The following SYT16 variants were observed in gnomAD, a reference collection of about 807,000 sequenced individuals.
SYT16 encodes the protein synaptotagmin-16.
Under a neutral mutation model 61.4 loss-of-function variants are expected in SYT16, and 42 were observed. The observed-to-expected ratio is 0.68, with a 90% CI of 0.53 to 0.89. SYT16 has a LOEUF of 0.89. Among genes scored for constraint, SYT16 ranks in the 40% least tolerant of loss-of-function variants. The pLI is 0.00. For synonymous variants in SYT16, 314 were observed against 302.3 expected (o/e 1.04, Z -0.40); for missense variants, 804 against 807.3 (o/e 1.00, Z 0.05).
At chr14:61,865,194 A>C (rs1566636693) in intron 1 of SYT16, 11 of 1,132,428 alleles carry the variant, frequency 9.7e-6, no homozygotes, top group Non-Finnish European at 1.3e-5. Context: ...TCTGTCACTG[A>C]CTATAAGCGA....
In SYT16 at chr14:62,081,269, A is replaced by G. The variant is rs762537120; in HGVS notation, c.1429A>G (p.Ile477Val). Residue 477 changes from isoleucine to valine, a missense_variant, in exon 6 of 8, where the codon ATA becomes GTA. Physicochemically the swap from Ile to Val is conservative, Grantham distance 29. Coordinates refer to ENST00000683842, the MANE Select transcript of SYT16 (RefSeq NM_001367656.1). ...VTLVLEPRSN[I>V]SSGGSPLSPS... Reference sequence around the variant, plus strand: ...TCTGGTTCTGGAGCCAAGAAGTAATATAAGCGTGAGTATGTTAAATGGTGC... The same window carrying G: ...TCTGGTTCTGGAGCCAAGAAGTAATGTAAGCGTGAGTATGTTAAATGGTGC... 1.7e-5 allele frequency: 27 copies of G among 1,613,058 alleles called. No individual in the cohort carries two copies. The highest frequency in any genetic ancestry group is 2.0e-5 in the Non-Finnish European group (24 of 1,179,442).
At position 62,108,565 on chromosome 14, in the gene SYT16, T is replaced by G. The variant is rs1471291745; in HGVS notation, c.*7858T>G. 6.6e-6 allele frequency: 1 copy of G among 152,194 alleles called. No individual in the cohort carries two copies. Among genetic ancestry groups the G allele is most frequent in the East Asian group, 1.9e-4 (1 of 5,196 alleles). The allele number at this position is 152,194 out of a possible 1,614,324, so 9.4% of individuals were successfully genotyped here. The stretch of plus-strand genomic sequence containing the variant: ...TGCCTTGACCAAAGCTTACTAATTT[T>G]GCCACATTTCCTTGTGGGTTATGAT... On this transcript the variant is annotated 3_prime_UTR_variant, in exon 8 of 8. Coordinates refer to ENST00000683842, the MANE Select transcript of SYT16 (RefSeq NM_001367656.1).
At chr14:62,007,587 T>G (rs906584428) in intron 3 of SYT16, among the ~76,000 whole-genome samples, 1 of 152,150 alleles carries the variant, frequency 6.6e-6, no homozygotes, top group Non-Finnish European at 1.5e-5. Context: ...TTACGTATTT[T>G]GCAGTTTTGT....
At chr14:61,923,985 C>A (rs2049438220) in intron 1 of SYT16, among the ~76,000 whole-genome samples, 2 of 152,108 alleles carry the variant, frequency 1.3e-5, no homozygotes, top group Admixed American at 6.6e-5. Context: ...AAAGGTAAAT[C>A]TCAGGCGAAG....
At chr14:61,939,569 C>T (rs187940549) in intron 1 of SYT16, among the ~76,000 whole-genome samples, 120 of 152,268 alleles carry the variant, frequency 7.9e-4, no homozygotes, top group African/African-American at 2.7e-3. Context: ...CTTTCCTTCA[C>T]GTGTGTACAT....
intron 1 of SYT16, among the ~76,000 whole-genome samples, chr14:61,817,275 G>C (rs376349280): frequency 1.3e-5 from 2 of 151,902 alleles, no homozygotes; most frequent in East Asian, 3.9e-4. Flanking sequence ...AAAATTAGCC[G>C]GGTGTGGTGA....
At chr14:61,901,545 A>G (rs1238700819) in intron 1 of SYT16, among the ~76,000 whole-genome samples, 2 of 152,054 alleles carry the variant, frequency 1.3e-5, no homozygotes, top group Non-Finnish European at 2.9e-5. Context: ...CCTATGCCCT[A>G]TACACTCATC....
intron 1 of SYT16, among the ~76,000 whole-genome samples, chr14:61,929,259 C>T (rs937827757): frequency 5.3e-5 from 8 of 152,018 alleles, no homozygotes; most frequent in East Asian, 1.9e-4. Flanking sequence ...CAGGTTTGGC[C>T]GACTAGAAAA....
intron 1 of SYT16, among the ~76,000 whole-genome samples, chr14:61,958,312 T>C (rs2050966147): frequency 1.3e-5 from 2 of 151,832 alleles, no homozygotes; most frequent in African/African-American, 4.8e-5. Context: ...TTCCTTCTGC[T>C]AATTTTTTGT....
intron 3 of SYT16, among the ~76,000 whole-genome samples, chr14:62,054,627 G>C (rs2055464639): frequency 6.6e-6 from 1 of 152,034 alleles, no homozygotes; most frequent in Non-Finnish European, 1.5e-5. Flanking sequence ...CTCCCAAAGT[G>C]CTGGGATTAC....
At position 62,100,464 on chromosome 14, in the gene SYT16, G is replaced by T. The variant is rs369865544; in HGVS notation, c.1695G>T (p.Arg565=). The T allele has an allele frequency of 1.2e-6, 2 of 1,613,466 alleles. No homozygotes were observed. The highest frequency in any genetic ancestry group is 1.7e-6 in the Non-Finnish European group (2 of 1,179,704). The change falls in exon 8 of 8, where the codon CGG becomes CGT. Residue 565 remains arginine (R), a synonymous_variant. Transcript: ENST00000683842. ...QEMSRCKTSI[R]RGQPNPVYKE... ...TGTCCCGTTGCAAGACGTCCATTCG[G>T]CGTGGTCAGCCCAATCCTGTCTATA... is the stretch of plus-strand genomic sequence containing the variant.
chr14:61,853,301 G>T (rs1216733564), intron 1 of SYT16, among the ~76,000 whole-genome samples: 4 of 152,178 alleles, frequency 2.6e-5, no homozygotes, highest in African/African-American at 9.7e-5. Flanking sequence ...AGTCACTGGG[G>T]CCCTTTAGAG....
At chr14:62,037,640 A>G (rs2054563158) in intron 3 of SYT16, among the ~76,000 whole-genome samples, 1 of 151,038 alleles carries the variant, frequency 6.6e-6, no homozygotes, top group Non-Finnish European at 1.5e-5. Context: ...AATGTGTTTT[A>G]TTACAAGGTG....
chr14:61,942,432 T>C (rs1336737599), intron 1 of SYT16, among the ~76,000 whole-genome samples: 1 of 152,186 alleles, frequency 6.6e-6, no homozygotes, highest in Non-Finnish European at 1.5e-5. Context: ...ATCTTCACTC[T>C]CTTTAGTAAA....
intron 1 of SYT16, among the ~76,000 whole-genome samples, chr14:61,936,680 C>A (rs1300792093): frequency 6.6e-6 from 1 of 152,268 alleles, no homozygotes; most frequent in African/African-American, 2.4e-5. Flanking sequence ...GCTCCCTGTG[C>A]CACCTGTCTG....
intron 3 of SYT16, among the ~76,000 whole-genome samples, chr14:62,049,163 T>C (rs930515388): frequency 1.3e-5 from 2 of 152,224 alleles, no homozygotes; most frequent in African/African-American, 4.8e-5. Flanking sequence ...GGTGCTCCTG[T>C]ATTGGGTACA....
chr14:61,884,175 T>C (rs1566650724), intron 1 of SYT16, among the ~76,000 whole-genome samples: 1 of 152,176 alleles, frequency 6.6e-6, no homozygotes, highest in African/African-American at 2.4e-5. Flanking sequence ...TTCTCCAAAT[T>C]GAAATCTCAG....
chr14:62,110,333 C>T lies in SYT16; in HGVS notation c.*9626C>T, dbSNP rs2057585799. 2 of 152,072 alleles carry T rather than the reference C, an allele frequency of 1.3e-5. No individual in the cohort carries two copies. The highest frequency in any genetic ancestry group is 1.3e-4 in the Admixed American group (2 of 15,252). The allele number at this position is 152,072 out of a possible 1,614,324, so 9.4% of individuals were successfully genotyped here. On this transcript the variant is annotated 3_prime_UTR_variant, in exon 8 of 8. Transcript: ENST00000683842. ...TATTTTTACCAGGTGGTTGTAGGAA[C>T]AGGATTCATTCATTCCTTCATTAAT...
At chr14:61,874,983 C>T (rs2047442201) in intron 1 of SYT16, among the ~76,000 whole-genome samples, 1 of 152,044 alleles carries the variant, frequency 6.6e-6, no homozygotes, top group South Asian at 2.1e-4. Context: ...ATTCTGGGGA[C>T]ATTGGAATAG....
Sources: gnomAD v4.1 joint callset for allele counts (sites outside exome capture counted in the v4.1 genomes callset) on GRCh38, gnomAD v4.1.1 for gene constraint, MANE v1.5 for transcripts, NCBI Gene and HGNC (gene_info 2026-07-23, HGNC 2026-07-21) for gene names.